Variants in ADARB1 observed in about 807,000 individuals in gnomAD.
ADARB1 encodes the protein adenosine deaminase RNA specific B1.
A neutral mutation model predicts 52.4 loss-of-function variants in ADARB1; 10 were observed. The ratio of observed to expected loss-of-function variants is 0.19; its 90% CI spans 0.12 to 0.32. The LOEUF (loss-of-function observed/expected upper bound fraction) is 0.32. Among genes scored for constraint, ADARB1 ranks in the 10% least tolerant of loss-of-function variants. The pLI, the probability that ADARB1 is intolerant of heterozygous loss-of-function variation, is 1.00. For missense variants in ADARB1, 643 were observed against 922.3 expected (o/e 0.70, Z 3.92); for synonymous variants, 349 against 371.1 (o/e 0.94, Z 0.68).
intron 1 of ADARB1, among the ~76,000 whole-genome samples, chr21:45,090,653 C>T (rs2086526557): frequency 6.6e-6 from 1 of 152,184 alleles, no homozygotes; most frequent in African/African-American, 2.4e-5. Flanking sequence ...TGCACTCACA[C>T]AACCATCACT....
At chr21:45,088,433 G>A (rs74471888) in intron 1 of ADARB1, among the ~76,000 whole-genome samples, 9,990 of 152,180 alleles carry the variant, frequency 0.066, 393 homozygotes, top group East Asian at 0.16. Flanking sequence ...TGATAGTATA[G>A]GTGTATAATC....
intron 2 of ADARB1, among the ~76,000 whole-genome samples, chr21:45,150,702 G>T (rs2090240288): frequency 6.6e-6 from 1 of 152,182 alleles, no homozygotes; most frequent in South Asian, 2.1e-4. Flanking sequence ...GCTGTTTCCA[G>T]TGCTTTCATG....
At chr21:45,210,585 T>C (rs531093325) in intron 9 of ADARB1, among the ~76,000 whole-genome samples, 31 of 152,362 alleles carry the variant, frequency 2.0e-4, no homozygotes, top group African/African-American at 2.9e-4. Context: ...GATTCTTACA[T>C]GCTTCCCTGA....
At chr21:45,173,674 A>G (rs1398461686) in intron 3 of ADARB1, among the ~76,000 whole-genome samples, 1 of 150,836 alleles carries the variant, frequency 6.6e-6, no homozygotes, top group Non-Finnish European at 1.5e-5. Flanking sequence ...GTAATCTAGT[A>G]TGTCATGTTC....
At chr21:45,145,975 A>G (rs575284723) in intron 2 of ADARB1, 1 of 152,236 alleles carries the variant, frequency 6.6e-6, no homozygotes, top group East Asian at 1.9e-4. Context: ...CGAGCTGTGG[A>G]CTCCTCACTA....
intron 1 of ADARB1, among the ~76,000 whole-genome samples, chr21:45,098,433 C>T (rs2086858376): frequency 2.6e-5 from 4 of 152,206 alleles, no homozygotes; most frequent in African/African-American, 9.7e-5. Flanking sequence ...TGTGCTCTTC[C>T]TCTGCTGACG....
In ADARB1 at chr21:45,129,268, G is replaced by A. The variant is rs557260006; in HGVS notation, c.-48+695G>A. Reference sequence around the variant, plus strand: ...GAACATTTCTTTAGTACTTATTTTTGGCGACTATCTCATGATTCAGCGTCT... The same window carrying A: ...GAACATTTCTTTAGTACTTATTTTTAGCGACTATCTCATGATTCAGCGTCT... On this transcript the variant is annotated intron_variant, in intron 2 of 10. Coordinates refer to ENST00000348831, the MANE Select transcript of ADARB1 (RefSeq NM_001112.4). Among the ~76,000 whole-genome samples, 6 of 152,064 alleles carry A rather than the reference G, an allele frequency of 3.9e-5. No individual in the cohort carries two copies. The South Asian group carries it at 1.2e-3, about 32-fold the overall frequency.
intron 3 of ADARB1, among the ~76,000 whole-genome samples, chr21:45,174,115 T>C (rs1347685775): frequency 6.6e-6 from 1 of 152,216 alleles, no homozygotes; most frequent in Non-Finnish European, 1.5e-5. Context: ...TTGCTTAACG[T>C]AATGAGAATC....
At chr21:45,141,863 C>A (rs114884864) in intron 2 of ADARB1, among the ~76,000 whole-genome samples, 1 of 152,022 alleles carries the variant, frequency 6.6e-6, no homozygotes, top group Non-Finnish European at 1.5e-5. Context: ...CCCAGGGTCT[C>A]CTTAGCCATC....
intron 2 of ADARB1, among the ~76,000 whole-genome samples, chr21:45,147,237 C>T (rs2090052975): frequency 1.3e-5 from 2 of 152,188 alleles, no homozygotes; most frequent in South Asian, 4.1e-4. Context: ...TACAGATATT[C>T]CCCCTTACAG....
intron 2 of ADARB1, among the ~76,000 whole-genome samples, chr21:45,148,372 C>CA (rs2090116142): frequency 6.6e-6 from 1 of 152,180 alleles, no homozygotes; most frequent in African/African-American, 2.4e-5. Context: ...TGTCCTGGGA[C>CA]GGCCCCAGTA....
At chr21:45,080,770 G>A (rs1002128843) in intron 1 of ADARB1, among the ~76,000 whole-genome samples, 3 of 152,190 alleles carry the variant, frequency 2.0e-5, no homozygotes, top group African/African-American at 7.2e-5. Context: ...TGCCTGATTT[G>A]TGCTTGATTT....
chr21:45,097,459 G>A (rs1038634840), intron 1 of ADARB1, among the ~76,000 whole-genome samples: 2 of 151,622 alleles, frequency 1.3e-5, no homozygotes, highest in African/African-American at 4.9e-5. Context: ...TTTTCTGGAG[G>A]TGGGAAGCCA....
intron 1 of ADARB1, among the ~76,000 whole-genome samples, chr21:45,091,143 C>G (rs1323144044): frequency 6.6e-6 from 1 of 152,250 alleles, no homozygotes; most frequent in Admixed American, 6.5e-5. Flanking sequence ...CCTTTCTTCA[C>G]AGAGCATATG....
chr21:45,156,901 C>T (rs1424821824), intron 2 of ADARB1, among the ~76,000 whole-genome samples: 3 of 152,142 alleles, frequency 2.0e-5, no homozygotes, highest in African/African-American at 7.2e-5. Flanking sequence ...GTCACTGCTG[C>T]ACTGTATGTG....
At chr21:45,139,826 T>G (rs991292315) in intron 2 of ADARB1, among the ~76,000 whole-genome samples, 1 of 152,228 alleles carries the variant, frequency 6.6e-6, no homozygotes, top group African/African-American at 2.4e-5. Context: ...TTTTCTATTT[T>G]ATTTCAAATT....
intron 1 of ADARB1, among the ~76,000 whole-genome samples, chr21:45,085,885 C>T (rs1358604151): frequency 1.3e-5 from 2 of 152,200 alleles, no homozygotes; most frequent in African/African-American, 2.4e-5. Context: ...TGACATAGAG[C>T]CTCCCGTGCA....
chr21:45,174,993 T>C (rs2091637208), intron 3 of ADARB1, among the ~76,000 whole-genome samples: 1 of 152,310 alleles, frequency 6.6e-6, no homozygotes, highest in East Asian at 1.9e-4. Context: ...CATGGAACGA[T>C]ATTAAGGATT....
intron 2 of ADARB1, among the ~76,000 whole-genome samples, chr21:45,138,403 T>C (rs1250190658): frequency 2.0e-5 from 3 of 152,244 alleles, no homozygotes; most frequent in Non-Finnish European, 4.4e-5. Flanking sequence ...AGGAGTTTGC[T>C]AGAGCTAGTC....
Sources: allele counts gnomAD v4.1 joint callset (sites outside exome capture counted in the v4.1 genomes callset), GRCh38; gene constraint gnomAD v4.1.1; transcripts MANE v1.5; gene names NCBI Gene and HGNC (gene_info 2026-07-23, HGNC 2026-07-21).